Variants in KCNK10 observed in about 807,000 individuals in gnomAD.
The protein encoded by KCNK10 is potassium channel subfamily K member 10.
KCNK10 carries 25 observed loss-of-function variants against 47.7 expected under a neutral mutation model. The observed-to-expected ratio is 0.52, with a 90% confidence interval of 0.38 to 0.73. The LOEUF (loss-of-function observed/expected upper bound fraction) is 0.73, where lower values mean the gene tolerates loss of function less well. KCNK10 is among the 30% of genes least tolerant of loss of function. The pLI is 0.00. For synonymous variants in KCNK10, 303 were observed against 285.6 expected (o/e 1.06, Z -0.61); for missense variants, 563 against 714.5 (o/e 0.79, Z 2.42).
At position 88,322,521 on chromosome 14, in the gene KCNK10, T is replaced by G. The variant is rs1033912500; in HGVS notation, c.52+226A>C. Among the ~76,000 whole-genome samples the G allele has an allele frequency of 6.6e-6, 1 of 152,184 alleles. No individual in the cohort carries two copies. The highest frequency in any genetic ancestry group is 1.5e-5 in the Non-Finnish European group (1 of 68,042). ...TCGGCTTGGTCTATCTAAATAGATC[T>G]GGAGACAATCTAGGAGGGACAATGA... On this transcript the variant is annotated intron_variant, in intron 1 of 6. Coordinates refer to ENST00000319231, the MANE Select transcript of KCNK10 (RefSeq NM_138317.3). The surrounding 1 kb of genome is among the most constrained non-coding windows in gnomAD (Gnocchi z 4.8).
intron 1 of KCNK10, among the ~76,000 whole-genome samples, chr14:88,298,098 T>G (rs1248394485): frequency 6.6e-6 from 1 of 152,204 alleles, no homozygotes; most frequent in Non-Finnish European, 1.5e-5. Flanking sequence ...AATCCTGGCA[T>G]GTAAGTATCC....
At position 88,227,389 on chromosome 14, in the gene KCNK10, C is replaced by T; in HGVS notation, c.667G>A (p.Glu223Lys). The part of the protein sequence containing the change: ...TIFGKSIARV[E>K]KVFRKKQVSQ... ...ACAGTACTCACTCGAAAGACCTTCTCCACTCTTGCAATGCTTTTCCCAAAG... is the reference window on the plus strand; with the variant it reads ...ACAGTACTCACTCGAAAGACCTTCTTCACTCTTGCAATGCTTTTCCCAAAG... The change falls in exon 4 of 7, where the codon GAG becomes AAG. Residue 223 changes from glutamate to lysine, a missense_variant. Coordinates refer to ENST00000319231, the MANE Select transcript of KCNK10 (RefSeq NM_138317.3). The T allele has an allele frequency of 1.2e-6, 2 of 1,611,078 alleles. No individual in the cohort carries two copies. The highest frequency in any genetic ancestry group is 1.7e-4 in the Middle Eastern group (1 of 6,046).
chr14:88,291,920 C>A (rs908636567), intron 1 of KCNK10, among the ~76,000 whole-genome samples: 1 of 152,072 alleles, frequency 6.6e-6, no homozygotes, highest in African/African-American at 2.4e-5. Flanking sequence ...AAGCCTTCCC[C>A]AAGAAGTCCA....
intron 1 of KCNK10, among the ~76,000 whole-genome samples, chr14:88,300,887 C>T (rs1317400130): frequency 6.6e-6 from 1 of 152,072 alleles, no homozygotes; most frequent in Non-Finnish European, 1.5e-5. Flanking sequence ...ATCATTTATC[C>T]TATATTAGGC....
At chr14:88,271,498 G>C (rs1887405114) in intron 1 of KCNK10, among the ~76,000 whole-genome samples, 1 of 152,202 alleles carries the variant, frequency 6.6e-6, no homozygotes, top group Admixed American at 6.5e-5. Flanking sequence ...AGAGTGGACA[G>C]ACAAGAGACA....
At chr14:88,252,920 C>T (rs1193180672) in intron 2 of KCNK10, among the ~76,000 whole-genome samples, 2 of 152,148 alleles carry the variant, frequency 1.3e-5, no homozygotes, top group African/African-American at 2.4e-5. Context: ...GTTTTCCCTT[C>T]GTCAGGAGGA....
intron 2 of KCNK10, among the ~76,000 whole-genome samples, chr14:88,242,119 G>C (rs1886496092): frequency 6.6e-6 from 1 of 152,234 alleles, no homozygotes; most frequent in Non-Finnish European, 1.5e-5. Context: ...GGGAGAGCAA[G>C]ACACAAATAT....
chr14:88,297,986 A>C (rs1378037788), intron 1 of KCNK10, among the ~76,000 whole-genome samples: 1 of 152,184 alleles, frequency 6.6e-6, no homozygotes, highest in East Asian at 1.9e-4. Context: ...CTTTGCCTAA[A>C]GGTATGCCCA....
intron 4 of KCNK10, among the ~76,000 whole-genome samples, chr14:88,220,549 C>T (rs1208472593): frequency 1.4e-5 from 2 of 147,640 alleles, no homozygotes; most frequent in Admixed American, 6.8e-5. Flanking sequence ...CAAAATAGAA[C>T]CACATAAATA....
intron 4 of KCNK10, among the ~76,000 whole-genome samples, chr14:88,215,299 A>T (rs1317287857): frequency 1.3e-5 from 2 of 152,188 alleles, no homozygotes; most frequent in Non-Finnish European, 2.9e-5. Context: ...AGCCTCAGGA[A>T]ACTTACAATC....
intron 5 of KCNK10, 49 bp downstream of exon 5, chr14:88,192,175 T>C: frequency 6.5e-7 from 1 of 1,528,066 alleles, no homozygotes; most frequent in Non-Finnish European, 8.9e-7. Flanking sequence ...AGCCAACAGA[T>C]TATTTTTCCC....
At chr14:88,281,728 A>ATATATATC (rs1491205845) in intron 1 of KCNK10, among the ~76,000 whole-genome samples, 1 of 20,962 alleles carries the variant, frequency 4.8e-5, no homozygotes, top group Non-Finnish European at 1.3e-4. Flanking sequence ...CTCTCTCTCC[A>ATATATATC]TATATATATA....
At position 88,236,493 on chromosome 14, in the gene KCNK10, A is replaced by G. The variant is rs193122832; in HGVS notation, c.520+4210T>C. ...ATGACTTTCAGCCAAGTAAGTGATC[A>G]TGAGATAAACCACAGCAAAAGGACT... On this transcript the variant is annotated intron_variant, in intron 3 of 6. Coordinates refer to ENST00000319231, the MANE Select transcript of KCNK10 (RefSeq NM_138317.3). Among the ~76,000 whole-genome samples the G allele has an allele frequency of 2.6e-5, 4 of 152,362 alleles. No homozygotes were observed. In the East Asian group the frequency reaches 7.7e-4, roughly 29 times the overall value.
chr14:88,278,256 T>C (rs777055366), intron 1 of KCNK10, among the ~76,000 whole-genome samples: 2 of 152,208 alleles, frequency 1.3e-5, no homozygotes, highest in Non-Finnish European at 2.9e-5. Flanking sequence ...GGTACAGAAG[T>C]TGGCTTCAGT....
intron 1 of KCNK10, among the ~76,000 whole-genome samples, chr14:88,293,813 C>T (rs1335173616): frequency 6.6e-6 from 1 of 151,728 alleles, no homozygotes; most frequent in Non-Finnish European, 1.5e-5. Context: ...GCAGCTGGGA[C>T]TATAGGCATG....
At chr14:88,214,206 T>C (rs1036171353) in intron 4 of KCNK10, among the ~76,000 whole-genome samples, 1 of 152,134 alleles carries the variant, frequency 6.6e-6, no homozygotes, top group Non-Finnish European at 1.5e-5. Context: ...CCCAAAGTGC[T>C]GGGATTACAG....
chr14:88,254,129 T>A (rs1886878623), intron 2 of KCNK10, among the ~76,000 whole-genome samples: 1 of 152,028 alleles, frequency 6.6e-6, no homozygotes, highest in South Asian at 2.1e-4. Context: ...AAAACTATCA[T>A]GAACAGACAG....
chr14:88,206,978 A>G (rs1438771937), intron 4 of KCNK10, among the ~76,000 whole-genome samples: 1 of 152,182 alleles, frequency 6.6e-6, no homozygotes, highest in Non-Finnish European at 1.5e-5. Context: ...GTAGAATTAC[A>G]CTTCTAAGTA....
chr14:88,265,641 T>C (rs61977006), intron 1 of KCNK10, among the ~76,000 whole-genome samples: 1,755 of 151,810 alleles, frequency 0.012, 34 homozygotes, highest in Middle Eastern at 0.065. Context: ...TTTCCTGATA[T>C]GGTTTGGCTG....
Sources: allele counts gnomAD v4.1 joint callset (sites outside exome capture counted in the v4.1 genomes callset), GRCh38; gene constraint gnomAD v4.1.1; non-coding constraint Gnocchi (gnomAD v3.1); transcripts MANE v1.5; gene names NCBI Gene and HGNC (gene_info 2026-07-23, HGNC 2026-07-21).